Variants in CALCR observed in about 807,000 individuals in gnomAD.
CALCR encodes the protein calcitonin receptor.
CALCR carries 47 observed loss-of-function variants against 59.5 expected under a neutral mutation model. That is an observed-to-expected ratio of 0.79 (90% confidence interval 0.63 to 1.01). The LOEUF is 1.01. Ranked by LOEUF, CALCR falls within the 50% of genes least tolerant of loss-of-function variation. The pLI, the probability that CALCR is intolerant of heterozygous loss-of-function variation, is 0.00. For missense variants in CALCR, 566 were observed against 597.1 expected, an observed-to-expected ratio of 0.95 and a Z score of 0.54; for synonymous variants, 213 against 211.3, an observed-to-expected ratio of 1.01 and a Z score of -0.07.
At chr7:93,437,938 A>G in intron 11 of CALCR, 122 bp downstream of exon 11, 1 of 940,612 alleles carries the variant, frequency 1.1e-6, no homozygotes, top group Non-Finnish European at 1.6e-6. Context: ...TTTTTACTAC[A>G]GAATACCATC....
At position 93,498,954 on chromosome 7, in the gene CALCR, G is replaced by A. The variant is rs1383959417; in HGVS notation, c.-26-11947C>T. On this transcript the variant is annotated intron_variant, in intron 2 of 13. Transcript: ENST00000426151. ...GGCATAATGGAAAAAAAAATAGTGG[G>A]CAAAGGAATAAGAGATCCATATTGT... 3.3e-5 allele frequency among the ~76,000 whole-genome samples: 5 copies of A among 151,604 alleles called. No individual in the cohort carries two copies. In the East Asian group the frequency reaches 7.8e-4, roughly 24 times the overall value.
At chr7:93,448,047 T>C (rs930992660) in intron 8 of CALCR, among the ~76,000 whole-genome samples, 12 of 151,898 alleles carry the variant, frequency 7.9e-5, no homozygotes, top group Admixed American at 6.6e-4. Flanking sequence ...TCTTCACAGG[T>C]TCACAAAGAG....
At position 93,532,838 on chromosome 7, in the gene CALCR, C is replaced by CAAAAA. The variant is rs57128008; in HGVS notation, c.-27+41446_-27+41450dup. Among the ~76,000 whole-genome samples the CAAAAA allele has an allele frequency of 2.3e-3, 223 of 95,556 alleles. 1 individual carries two copies. The highest frequency in any genetic ancestry group is 6.3e-3 in the Middle Eastern group (1 of 160). 62.7% of individuals were successfully genotyped at this position (95,556 alleles called of 152,430 possible). The stretch of plus-strand genomic sequence containing the variant: ...TAGCCTTGATTCCTCATGTCCAAAG[C>CAAAAA]AAAAAAAAAAAAAAAAAAAAAAAAA... On this transcript the variant is annotated intron_variant, in intron 2 of 13. Coordinates refer to ENST00000426151, the MANE Select transcript of CALCR (RefSeq NM_001742.4).
intron 2 of CALCR, among the ~76,000 whole-genome samples, chr7:93,515,691 T>A (rs963391074): frequency 6.6e-6 from 1 of 151,990 alleles, no homozygotes; most frequent in African/African-American, 2.4e-5. Flanking sequence ...CAGAAGGCAG[T>A]CATGACAAAG....
chr7:93,516,336 G>A (rs1801650214), intron 2 of CALCR, among the ~76,000 whole-genome samples: 1 of 151,856 alleles, frequency 6.6e-6, no homozygotes, highest in Non-Finnish European at 1.5e-5. Context: ...TCAAAATTTT[G>A]TGTCACATTG....
intron 2 of CALCR, among the ~76,000 whole-genome samples, chr7:93,546,113 A>G (rs1789278590): frequency 6.6e-6 from 1 of 152,178 alleles, no homozygotes; most frequent in Admixed American, 6.5e-5. Flanking sequence ...TATTTTATTA[A>G]TAGGATGTTA....
At chr7:93,435,809 A>T (rs75729374) in intron 12 of CALCR, 143 bp downstream of exon 12, 7 of 253,180 alleles carry the variant, frequency 2.8e-5, no homozygotes, top group Non-Finnish European at 3.5e-5. Flanking sequence ...CTGTGTCAAA[A>T]AAAATAAAAT....
intron 7 of CALCR, 116 bp downstream of exon 7, chr7:93,468,599 G>T (rs1324008725): frequency 1.6e-6 from 1 of 609,708 alleles, no homozygotes; most frequent in Non-Finnish European, 2.9e-6. Context: ...TCCTAATGTT[G>T]CATGTCGCTT....
intron 7 of CALCR, chr7:93,461,956 C>G (rs758540986): frequency 2.4e-4 from 170 of 703,994 alleles, no homozygotes; most frequent in Non-Finnish European, 3.0e-4. Flanking sequence ...ACTCATAACA[C>G]TAACTATTCC....
intron 6 of CALCR, among the ~76,000 whole-genome samples, chr7:93,471,615 T>C (rs1413225644): frequency 1.3e-5 from 2 of 151,842 alleles, no homozygotes; most frequent in African/African-American, 4.8e-5. Flanking sequence ...AGGTTTATGT[T>C]AGAGTCAGCA....
intron 8 of CALCR, among the ~76,000 whole-genome samples, chr7:93,458,309 C>T (rs973618386): frequency 5.3e-5 from 8 of 152,296 alleles, no homozygotes; most frequent in South Asian, 4.1e-4. Context: ...GCAGATTTCA[C>T]GCATTTTAGT....
At chr7:93,519,684 A>G (rs1801719346) in intron 2 of CALCR, among the ~76,000 whole-genome samples, 1 of 151,994 alleles carries the variant, frequency 6.6e-6, no homozygotes, top group African/African-American at 2.4e-5. Context: ...CTTATTTTGA[A>G]TTATTATCCC....
chr7:93,542,309 T>C (rs1358301158), intron 2 of CALCR, among the ~76,000 whole-genome samples: 1 of 152,168 alleles, frequency 6.6e-6, no homozygotes, highest in Non-Finnish European at 1.5e-5. Context: ...TGTAGACAAC[T>C]GTAACATGAT....
At chr7:93,466,080 CT>C (rs1800435582) in intron 7 of CALCR, among the ~76,000 whole-genome samples, 1 of 151,764 alleles carries the variant, frequency 6.6e-6, no homozygotes, top group Non-Finnish European at 1.5e-5. Flanking sequence ...AGCTGGGTAA[CT>C]TTTCACTCTG....
intron 2 of CALCR, among the ~76,000 whole-genome samples, chr7:93,519,088 TA>T (rs1474076299): frequency 2.6e-5 from 4 of 151,982 alleles, no homozygotes; most frequent in African/African-American, 9.7e-5. Flanking sequence ...TATAATCTTC[TA>T]TTTTTTAAGA....
chr7:93,487,368 A>C (rs867782324), intron 2 of CALCR, among the ~76,000 whole-genome samples: 3 of 151,592 alleles, frequency 2.0e-5, no homozygotes, highest in East Asian at 2.0e-4. Context: ...TCCACCAAGA[A>C]GTCACCTCAC....
intron 2 of CALCR, among the ~76,000 whole-genome samples, chr7:93,530,603 T>C (rs1381290716): frequency 1.3e-5 from 2 of 152,154 alleles, no homozygotes; most frequent in African/African-American, 2.4e-5. Flanking sequence ...AGAGCACAGA[T>C]GGCAATTAGT....
intron 2 of CALCR, among the ~76,000 whole-genome samples, chr7:93,531,994 TTC>T (rs72369294): frequency 0.12 from 18,940 of 152,018 alleles, 2,046 homozygotes; most frequent in East Asian, 0.36. Flanking sequence ...TAAAATGTAA[TTC>T]TTTCTGATAT....
At chr7:93,443,267 A>G (rs1350340238) in intron 9 of CALCR, among the ~76,000 whole-genome samples, 1 of 152,162 alleles carries the variant, frequency 6.6e-6, no homozygotes, top group Non-Finnish European at 1.5e-5. Flanking sequence ...CTCTACAAAC[A>G]TGTGATGAAT....
Sources: allele counts gnomAD v4.1 joint callset (sites outside exome capture counted in the v4.1 genomes callset), GRCh38; gene constraint gnomAD v4.1.1; transcripts MANE v1.5; gene names NCBI Gene and HGNC (gene_info 2026-07-23, HGNC 2026-07-21).